The following MGAT4A variants were observed in gnomAD, a reference collection of about 807,000 sequenced individuals.
MGAT4A encodes N-acetylglucosaminyltransferase IVa.
MGAT4A carries 33 observed loss-of-function variants against 74.1 expected under a neutral mutation model. The ratio of observed to expected loss-of-function variants is 0.45; its 90% confidence interval spans 0.34 to 0.60. MGAT4A has a LOEUF of 0.60. MGAT4A is among the 20% of genes least tolerant of loss of function. MGAT4A has a pLI of 0.02. For missense variants in MGAT4A, 479 were observed against 628.3 expected (o/e 0.76, Z 2.54); for synonymous variants, 198 against 210.4 (o/e 0.94, Z 0.51).
chr2:98,676,703 CA>C (rs1216258844), intron 3 of MGAT4A, among the ~76,000 whole-genome samples: 1 of 152,104 alleles, frequency 6.6e-6, no homozygotes, highest in Non-Finnish European at 1.5e-5. Flanking sequence ...GGCACATTCA[CA>C]GCCACTAAAA....
In MGAT4A at chr2:98,619,350, T is replaced by G. The variant is rs2104198380; in HGVS notation, c.*6216A>C. 1.3e-5 allele frequency: 2 copies of G among 152,526 alleles called. No individual in the cohort carries two copies. Among genetic ancestry groups the G allele is most frequent in the Admixed American group, 1.3e-4 (2 of 15,286 alleles). The allele number at this position is 152,526 out of a possible 1,614,324, so 9.4% of individuals were successfully genotyped here. On this transcript the variant is annotated 3_prime_UTR_variant, in exon 16 of 16. Coordinates refer to ENST00000393487, the MANE Select transcript of MGAT4A (RefSeq NM_012214.3). ...GGAATCATTCAGCCAATGAAGACAT[T>G]TTAAGGAAAATATATACAATACATT...
intron 13 of MGAT4A, 80 bp from the exon 14 acceptor site, chr2:98,635,368 G>A: frequency 9.7e-7 from 1 of 1,034,262 alleles, no homozygotes; most frequent in African/African-American, 1.6e-5. Flanking sequence ...TAATATAGAT[G>A]AAGTGGCATT....
intron 4 of MGAT4A, among the ~76,000 whole-genome samples, chr2:98,671,215 C>A (rs1701907178): frequency 6.6e-6 from 1 of 152,172 alleles, no homozygotes; most frequent in East Asian, 1.9e-4. Flanking sequence ...CTACAACTAC[C>A]ACTGCTACCT....
intron 2 of MGAT4A, among the ~76,000 whole-genome samples, chr2:98,680,250 G>C (rs1702041871): frequency 6.6e-6 from 1 of 152,058 alleles, no homozygotes; most frequent in South Asian, 2.1e-4. Context: ...CACCATGTTG[G>C]TCAGGCTGGT....
In MGAT4A at chr2:98,675,086, T is replaced by G. The variant is rs1213230396; in HGVS notation, c.352A>C (p.Asn118His). 6.2e-7 allele frequency: 1 copy of G among 1,611,950 alleles called. No individual in the cohort carries two copies. The highest frequency in any genetic ancestry group is 1.3e-5 in the African/African-American group (1 of 74,802). The change falls in exon 4 of 16, where the codon AAT (asparagine) becomes CAT (histidine). Residue 118 changes from asparagine to histidine, a missense_variant. Asn to His is a moderately conservative substitution (Grantham distance 68, BLOSUM62 1). This residue lies in a region of MGAT4A where 205 missense variants were observed against 232.7 expected (regional missense o/e 0.88). Transcript: ENST00000393487. ...ACAGCAGGTTGAAGACTTCCTTCAT[T>G]TTTCAATAAATGAGGCAAATGATAA... Reference protein sequence around the residue: ...IYYHLPHLLKNEGSLQPAVQI... With the variant: ...IYYHLPHLLKHEGSLQPAVQI...
Position 98,623,331 on chromosome 2 carries a change from T to C in MGAT4A, c.*2235A>G. The C allele has an allele frequency of 2.0e-6, 2 of 985,470 alleles. No individual in the cohort carries two copies. Among genetic ancestry groups the C allele is most frequent in the Non-Finnish European group, 2.4e-6 (2 of 829,942 alleles). The allele number at this position is 985,470 out of a possible 1,614,324, so 61.0% of individuals were successfully genotyped here. A position where few individuals can be genotyped will look rare whatever the true frequency, so the allele number is the denominator to read the frequency against. ...AGTTGTAACAAATCACACCAGGTGC[T>C]GCAATAACTTTCTCCTCCCTAGATT... On this transcript the variant is annotated 3_prime_UTR_variant, in exon 16 of 16. Coordinates refer to ENST00000393487, the MANE Select transcript of MGAT4A (RefSeq NM_012214.3).
chr2:98,690,677 C>T (rs2104301983), intron 2 of MGAT4A, among the ~76,000 whole-genome samples: 1 of 152,208 alleles, frequency 6.6e-6, no homozygotes, highest in East Asian at 1.9e-4. Flanking sequence ...CAGATGCCAA[C>T]ACCAAGATGA....
chr2:98,645,396 TGAA>T, intron 9 of MGAT4A, 29 bp downstream of exon 9: 3 of 1,425,322 alleles, frequency 2.1e-6, no homozygotes, highest in Middle Eastern at 1.8e-4. Context: ...CAGTTATTTA[TGAA>T]AAGTAGGTAA....
At chr2:98,627,240 G>A (rs1701158711) in intron 14 of MGAT4A, among the ~76,000 whole-genome samples, 1 of 152,182 alleles carries the variant, frequency 6.6e-6, no homozygotes, top group Non-Finnish European at 1.5e-5. Context: ...GAGCTTGATG[G>A]TGCTTCAAGT....
At chr2:98,668,579 C>A (rs978142555) in intron 4 of MGAT4A, among the ~76,000 whole-genome samples, 3 of 152,180 alleles carry the variant, frequency 2.0e-5, no homozygotes, top group Admixed American at 1.3e-4. Flanking sequence ...GGGTCAGAGC[C>A]CCCCCAGCAG....
chr2:98,692,304 A>C (rs181340510), intron 2 of MGAT4A, among the ~76,000 whole-genome samples: 46 of 152,188 alleles, frequency 3.0e-4, no homozygotes, highest in Admixed American at 2.7e-3. Flanking sequence ...GGGTCTCACT[A>C]TATTGCCCAG....
At chr2:98,720,422 TG>T (rs1702651406) in intron 2 of MGAT4A, among the ~76,000 whole-genome samples, 1 of 152,220 alleles carries the variant, frequency 6.6e-6, no homozygotes, top group Non-Finnish European at 1.5e-5. Context: ...TCAGCCCAGC[TG>T]GTCCTCGGGC....
chr2:98,674,760 T>G (rs1398841990), intron 4 of MGAT4A, among the ~76,000 whole-genome samples: 5 of 152,196 alleles, frequency 3.3e-5, no homozygotes, highest in African/African-American at 1.2e-4. Context: ...ACTTCCCAAG[T>G]TTCTTAAACA....
chr2:98,648,523 G>C (rs1208268956), intron 8 of MGAT4A, among the ~76,000 whole-genome samples: 1 of 151,612 alleles, frequency 6.6e-6, no homozygotes, highest in East Asian at 1.9e-4. Context: ...AACAGCCTGG[G>C]CAACAAAGTG....
intron 2 of MGAT4A, among the ~76,000 whole-genome samples, chr2:98,713,984 A>G (rs1702555175): frequency 6.6e-6 from 1 of 152,090 alleles, no homozygotes; most frequent in South Asian, 2.1e-4. Context: ...CAAATATTGA[A>G]CCCTAGTAAA....
At chr2:98,693,451 A>C (rs62158012) in intron 2 of MGAT4A, among the ~76,000 whole-genome samples, 31,768 of 152,172 alleles carry the variant, frequency 0.21, 4,141 homozygotes, top group Non-Finnish European at 0.3. Flanking sequence ...TGAGGCAAAA[A>C]GGTAACATTG....
chr2:98,679,720 C>A (rs975001043), intron 2 of MGAT4A, among the ~76,000 whole-genome samples: 2 of 152,016 alleles, frequency 1.3e-5, no homozygotes, highest in Non-Finnish European at 1.5e-5. Flanking sequence ...GAGAATCACG[C>A]GTCAAAAAAA....
At chr2:98,667,164 G>A (rs1194018218) in intron 4 of MGAT4A, among the ~76,000 whole-genome samples, 3 of 152,160 alleles carry the variant, frequency 2.0e-5, no homozygotes, top group Admixed American at 2.0e-4. Context: ...ATGATTGTGA[G>A]GCCTCCCTAG....
At chr2:98,721,714 C>T (rs774246619) in intron 2 of MGAT4A, among the ~76,000 whole-genome samples, 1 of 151,846 alleles carries the variant, frequency 6.6e-6, no homozygotes, top group Non-Finnish European at 1.5e-5. Context: ...AAATCTAAAG[C>T]TGATTCTGTT....
Sources: allele counts gnomAD v4.1 joint callset (sites outside exome capture counted in the v4.1 genomes callset), GRCh38; gene constraint gnomAD v4.1.1; regional missense constraint gnomAD v4.1.1; transcripts MANE v1.5; gene names NCBI Gene and HGNC (gene_info 2026-07-23, HGNC 2026-07-21).